Variants in TM4SF20 observed in about 807,000 individuals in gnomAD.
The protein encoded by TM4SF20 is transmembrane 4 L6 family member 20.
A neutral mutation model predicts 15.1 loss-of-function variants in TM4SF20; 13 were observed. The ratio of observed to expected loss-of-function variants is 0.86; its 90% CI spans 0.56 to 1.36. TM4SF20 has a LOEUF of 1.36. TM4SF20 is among the 40% of genes most tolerant of loss of function. TM4SF20 has a pLI of 0.00. For missense variants in TM4SF20, 282 were observed against 268.4 expected (o/e 1.05, Z -0.35); for synonymous variants, 92 against 96.6 (o/e 0.95, Z 0.28).
At chr2:227,381,298 C>T (rs1470999964), upstream of TM4SF20, among the ~76,000 whole-genome samples, 4 of 151,656 alleles carry the variant, frequency 2.6e-5, no homozygotes, top group African/African-American at 9.7e-5. Context: ...AAAAAACACC[C>T]ACCTATCAAC....
At chr2:227,371,102 A>T in intron 1 of TM4SF20, 122 bp from the exon 2 acceptor site, 1 of 848,240 alleles carries the variant, frequency 1.2e-6, no homozygotes, top group East Asian at 2.5e-5. Flanking sequence ...ACAAAAAGGG[A>T]ATTTGGCAAT....
At chr2:227,374,942 T>A (rs913273580) in intron 1 of TM4SF20, among the ~76,000 whole-genome samples, 44 of 112,464 alleles carry the variant, frequency 3.9e-4, no homozygotes, top group South Asian at 2.3e-3. Context: ...AAAAAAAAAA[T>A]TTTGAGACAG....
At chr2:227,375,413 AC>A (rs1422759284) in intron 1 of TM4SF20, among the ~76,000 whole-genome samples, 4 of 152,168 alleles carry the variant, frequency 2.6e-5, no homozygotes, top group Non-Finnish European at 4.4e-5. Context: ...ACCAAAAAAA[AC>A]CAAAGAAAAC....
At chr2:227,373,921 C>T (rs2076433606) in intron 1 of TM4SF20, among the ~76,000 whole-genome samples, 1 of 57,172 alleles carries the variant, frequency 1.7e-5, no homozygotes, top group Admixed American at 1.8e-4. Flanking sequence ...GAGCGAGACT[C>T]CGTCTCAAAA....
intron 2 of TM4SF20, among the ~76,000 whole-genome samples, chr2:227,366,753 AAAAG>A (rs2106489143): frequency 8.5e-6 from 1 of 118,332 alleles, no homozygotes; most frequent in East Asian, 2.4e-4. Flanking sequence ...AAAAAAAAAA[AAAAG>A]ATGGTTTGGC....
In TM4SF20 at chr2:227,366,172, C is replaced by A. The variant is rs751343812; in HGVS notation, c.322G>T (p.Ala108Ser). The stretch of plus-strand genomic sequence containing the variant: ...CACATGAGAGGACCTTTTAAGAGAG[C>A]CTGGATGGATATCAGCATGCAATAC... Reference protein sequence around the residue: ...ALYCMLISIQALLKGPLMCNS... With the variant: ...ALYCMLISIQSLLKGPLMCNS... The change falls in exon 3 of 4, where the codon GCT becomes TCT. Residue 108 changes from alanine to serine, a missense_variant. Transcript: ENST00000304568. 1.4e-5 allele frequency: 23 copies of A among 1,613,926 alleles called. No homozygotes were observed. The highest frequency in any genetic ancestry group is 1.9e-5 in the Non-Finnish European group (23 of 1,179,916).
chr2:227,369,118 A>T (rs993075460), intron 2 of TM4SF20, among the ~76,000 whole-genome samples: 1 of 152,260 alleles, frequency 6.6e-6, no homozygotes, highest in African/African-American at 2.4e-5. Flanking sequence ...AGTGACAGGG[A>T]AGGGAAACTG....
intron 2 of TM4SF20, among the ~76,000 whole-genome samples, chr2:227,368,333 ATT>A: frequency 1.2e-5 from 1 of 85,690 alleles, no homozygotes; most frequent in African/African-American, 5.5e-5. Flanking sequence ...GCCATCTATT[ATT>A]TATATATATA....
At chr2:227,377,632 C>T (rs1160029764) in intron 1 of TM4SF20, among the ~76,000 whole-genome samples, 2 of 152,112 alleles carry the variant, frequency 1.3e-5, no homozygotes, top group African/African-American at 2.4e-5. Flanking sequence ...TAAAAATCAC[C>T]TCCACAGCCA....
chr2:227,377,036 T>C lies in TM4SF20; in HGVS notation c.183+2050A>G, dbSNP rs569170125. On this transcript the variant is annotated intron_variant, in intron 1 of 3. Coordinates refer to ENST00000304568, the MANE Select transcript of TM4SF20 (RefSeq NM_024795.4). ...TGCCTTTCTCTTTCTCTTCTCTCCC[T>C]GCCACACCCGCCACCATCCTAAAAT... Among the ~76,000 whole-genome samples the C allele has an allele frequency of 1.6e-4, 24 of 152,346 alleles. 1 individual carries two copies. The South Asian group carries it at 4.8e-3, about 30-fold the overall frequency.
chr2:227,379,343 T>G, upstream of TM4SF20: 5 of 1,352,030 alleles, frequency 3.7e-6, no homozygotes, highest in Non-Finnish European at 3.1e-6. Context: ...ATCCCAATCT[T>G]CTGGTTAAAA....
intron 2 of TM4SF20, among the ~76,000 whole-genome samples, chr2:227,368,837 G>A (rs10933181): frequency 0.14 from 21,026 of 152,238 alleles, 1,523 homozygotes; most frequent in Non-Finnish European, 0.15. Flanking sequence ...AGTTAAAATA[G>A]GGGACAAGCC....
chr2:227,375,551 G>A (rs912083028), intron 1 of TM4SF20, among the ~76,000 whole-genome samples: 8 of 152,078 alleles, frequency 5.3e-5, no homozygotes, highest in African/African-American at 7.2e-5. Flanking sequence ...GTACAGTGGC[G>A]CGATCTCAGC....
At chr2:227,377,103 G>A (rs984068423) in intron 1 of TM4SF20, among the ~76,000 whole-genome samples, 7 of 150,196 alleles carry the variant, frequency 4.7e-5, no homozygotes, top group African/African-American at 1.5e-4. Context: ...CGCCACCTCC[G>A]ACTCCTTTAA....
upstream of TM4SF20, among the ~76,000 whole-genome samples, chr2:227,380,308 C>T (rs7578122): frequency 7.5e-3 from 1,149 of 152,274 alleles, 20 homozygotes; most frequent in African/African-American, 0.026. Context: ...CCAGCCTGGG[C>T]GACAGAGGGA....
chr2:227,366,750 A>C, intron 2 of TM4SF20, among the ~76,000 whole-genome samples: 1 of 112,072 alleles, frequency 8.9e-6, no homozygotes. Flanking sequence ...AAAAAAAAAA[A>C]AAAAAAGATG....
upstream of TM4SF20, among the ~76,000 whole-genome samples, chr2:227,380,717 C>T (rs1191943393): frequency 6.6e-6 from 1 of 151,172 alleles, no homozygotes; most frequent in African/African-American, 2.4e-5. Flanking sequence ...CAGCCCAGAG[C>T]ATAGATTCAG....
intron 1 of TM4SF20, among the ~76,000 whole-genome samples, chr2:227,375,778 C>A (rs374804314): frequency 0.18 from 27,438 of 152,054 alleles, 2,512 homozygotes; most frequent in South Asian, 0.27. Context: ...CATGAGCCAC[C>A]GTGCCTGGCC....
chr2:227,370,804 C>G, intron 2 of TM4SF20, 111 bp downstream of exon 2: 1 of 849,686 alleles, frequency 1.2e-6, no homozygotes, highest in Non-Finnish European at 2.0e-6. Flanking sequence ...GTGGCTCTGT[C>G]AGTGGAGCCC....
Sources: gnomAD v4.1 joint callset for allele counts (sites outside exome capture counted in the v4.1 genomes callset) on GRCh38, gnomAD v4.1.1 for gene constraint, MANE v1.5 for transcripts, NCBI Gene and HGNC (gene_info 2026-07-23, HGNC 2026-07-21) for gene names.